NTRK3: variants seen among roughly 807,000 people sequenced by gnomAD.
NTRK3 encodes neurotrophic receptor tyrosine kinase 3.
In NTRK3, 24 loss-of-function variants were observed where a neutral mutation model predicts 91.7. The ratio of observed to expected loss-of-function variants is 0.26; its 90% CI spans 0.19 to 0.37. NTRK3 has a LOEUF of 0.37. NTRK3 is among the 10% of genes least tolerant of loss of function. The pLI, the probability that NTRK3 is intolerant of heterozygous loss-of-function variation, is 1.00. For missense variants in NTRK3, 880 were observed against 1,068.9 expected (o/e 0.82, Z 2.46); for synonymous variants, 483 against 404.0 (o/e 1.20, Z -2.34).
chr15:88,231,550 C>T (rs2051181256), intron 3 of NTRK3, among the ~76,000 whole-genome samples: 1 of 151,938 alleles, frequency 6.6e-6, no homozygotes, highest in African/African-American at 2.4e-5. Context: ...CTTTATGCAC[C>T]CAGGAAAAAT....
intron 10 of NTRK3, 64 bp downstream of exon 10, chr15:88,135,037 T>C: frequency 1.3e-6 from 2 of 1,575,624 alleles, no homozygotes; most frequent in East Asian, 2.2e-5. Flanking sequence ...CAAGCTACCA[T>C]GCCCCATCTC....
chr15:88,135,148 G>C lies in NTRK3; in HGVS notation c.1157C>G (p.Thr386Arg), dbSNP rs763026651. ...GTGGCCATTGATGGTCTGGTTGGCT[G>C]TGCCCAGTGGGTTTTTGGCAATGAG... Residue 386 changes from threonine to arginine, a missense_variant, in exon 10 of 19, where the codon ACA becomes AGA. Around this residue, in one of 3 missense-constraint regions of NTRK3, gnomAD observed 743 missense variants for 868.6 expected, o/e 0.86. Transcript: ENST00000394480. 6 of 1,614,288 alleles carry C rather than the reference G, an allele frequency of 3.7e-6. No individual in the cohort carries two copies. The South Asian group carries it at 6.6e-5, about 18-fold the overall frequency.
intron 13 of NTRK3, among the ~76,000 whole-genome samples, chr15:88,057,040 G>C (rs112970293): frequency 5.4e-4 from 82 of 151,448 alleles, no homozygotes; most frequent in African/African-American, 1.8e-3. Flanking sequence ...ATGGTGGCGC[G>C]CGCCTGTAGT....
At chr15:88,013,173 T>C in intron 14 of NTRK3, among the ~76,000 whole-genome samples, 1 of 146,670 alleles carries the variant, frequency 6.8e-6, no homozygotes, top group South Asian at 2.3e-4. Flanking sequence ...CGTGCACTGG[T>C]AAAGACCCAC....
intron 3 of NTRK3, among the ~76,000 whole-genome samples, chr15:88,211,225 A>C (rs972566321): frequency 6.6e-6 from 1 of 152,224 alleles, no homozygotes; most frequent in Non-Finnish European, 1.5e-5. Context: ...TGGATTTATC[A>C]ATTCTGGACA....
At chr15:88,226,531 A>T (rs2050691529) in intron 3 of NTRK3, among the ~76,000 whole-genome samples, 1 of 152,210 alleles carries the variant, frequency 6.6e-6, no homozygotes, top group African/African-American at 2.4e-5. Context: ...GAAATTTCAG[A>T]CACAAATTAT....
chr15:88,152,848 C>T (rs945797873), intron 5 of NTRK3, among the ~76,000 whole-genome samples: 3 of 152,196 alleles, frequency 2.0e-5, no homozygotes, highest in African/African-American at 7.2e-5. Flanking sequence ...CTGGTATCTG[C>T]CCACTTGCCC....
intron 13 of NTRK3, chr15:88,073,005 G>C (rs1479031555): frequency 5.0e-6 from 1 of 199,270 alleles, no homozygotes; most frequent in African/African-American, 2.3e-5. Context: ...CCATTTGACA[G>C]ATGGGAAAAA....
intron 5 of NTRK3, among the ~76,000 whole-genome samples, chr15:88,179,925 C>T (rs1410159219): frequency 6.6e-6 from 1 of 152,198 alleles, no homozygotes; most frequent in Admixed American, 6.5e-5. Flanking sequence ...GTATTCCAGT[C>T]ACCAGAGAGG....
At chr15:87,932,355 T>A (rs2068875628) in intron 16 of NTRK3, among the ~76,000 whole-genome samples, 1 of 152,166 alleles carries the variant, frequency 6.6e-6, no homozygotes, top group Non-Finnish European at 1.5e-5. Flanking sequence ...GACTAACAAG[T>A]AGTTGAAATA....
intron 14 of NTRK3, among the ~76,000 whole-genome samples, chr15:88,006,381 G>T (rs999358579): frequency 6.6e-6 from 1 of 152,348 alleles, no homozygotes; most frequent in Middle Eastern, 3.4e-3. Flanking sequence ...TAGCAGTGGA[G>T]GCAGCTTTTC....
intron 13 of NTRK3, among the ~76,000 whole-genome samples, chr15:88,100,454 A>C (rs2050055874): frequency 6.6e-6 from 1 of 152,180 alleles, no homozygotes; most frequent in African/African-American, 2.4e-5. Flanking sequence ...TGAGCTGGTA[A>C]ACCTCAGATG....
At chr15:88,045,362 C>T (rs538515612) in intron 13 of NTRK3, among the ~76,000 whole-genome samples, 125 of 152,280 alleles carry the variant, frequency 8.2e-4, no homozygotes, top group African/African-American at 2.9e-3. Context: ...TTACTTATCC[C>T]AATTCAAGCT....
chr15:88,086,668 C>T (rs1451284200), intron 13 of NTRK3, among the ~76,000 whole-genome samples: 1 of 152,184 alleles, frequency 6.6e-6, no homozygotes, highest in Admixed American at 6.5e-5. Flanking sequence ...CAGGCTGCAT[C>T]CCAGACCAAT....
intron 13 of NTRK3, among the ~76,000 whole-genome samples, chr15:88,056,602 A>G (rs1220902894): frequency 1.3e-5 from 2 of 152,232 alleles, no homozygotes; most frequent in East Asian, 3.9e-4. Context: ...AATTTCAAAT[A>G]TGACAAAAAG....
At chr15:88,117,516 A>G (rs1267282944) in intron 13 of NTRK3, among the ~76,000 whole-genome samples, 2 of 152,212 alleles carry the variant, frequency 1.3e-5, no homozygotes, top group African/African-American at 4.8e-5. Flanking sequence ...ATCTTAAGCC[A>G]TGATGGATTT....
rs372693826 is a variant in NTRK3 at position 88,163,125 on chromosome 15, G to C, written c.396-15722C>G. ...AATGACACCACTCCATGTCGGGTAG[G>C]TGCCCCTCCTCCAGGCTCCCAACTC... is the stretch of plus-strand genomic sequence containing the variant. On this transcript the variant is annotated intron_variant, in intron 5 of 18. Transcript: ENST00000394480. 1.4e-3 allele frequency among the ~76,000 whole-genome samples: 219 copies of C among 152,188 alleles called. 1 individual carries two copies. Among genetic ancestry groups the C allele is most frequent in the African/African-American group, 4.9e-3 (204 of 41,514 alleles).
chr15:88,070,649 C>T (rs539654445), intron 13 of NTRK3, among the ~76,000 whole-genome samples: 50 of 152,270 alleles, frequency 3.3e-4, no homozygotes, highest in African/African-American at 1.2e-3. Flanking sequence ...CTCCTCACTC[C>T]CCTCCACCCA....
intron 8 of NTRK3, 96 bp downstream of exon 8, chr15:88,136,371 C>G (rs2041877748): frequency 1.3e-6 from 2 of 1,500,246 alleles, no homozygotes; most frequent in African/African-American, 1.4e-5. Context: ...TGTGTTTTTT[C>G]CTATAGTAAC....
Sources: allele counts gnomAD v4.1 joint callset (sites outside exome capture counted in the v4.1 genomes callset), GRCh38; gene constraint gnomAD v4.1.1; regional missense constraint gnomAD v4.1.1; transcripts MANE v1.5; gene names NCBI Gene and HGNC (gene_info 2026-07-23, HGNC 2026-07-21).